Variants in C1orf74 observed in about 807,000 individuals in gnomAD.
C1orf74 encodes chromosome 1 open reading frame 74.
In C1orf74, 5 loss-of-function variants were observed where a neutral mutation model predicts 7.3. The ratio of observed to expected loss-of-function variants is 0.68; its 90% CI spans 0.36 to 1.44. C1orf74 has a LOEUF of 1.44. Among genes scored for constraint, C1orf74 ranks in the 40% most tolerant of loss-of-function variants. The probability of loss-of-function intolerance (pLI) is 0.04; values close to 1 mark genes in which losing one functional copy is unlikely to be tolerated. For synonymous variants in C1orf74, 121 were observed against 132.5 expected (o/e 0.91, Z 0.59); for missense variants, 291 against 314.3 (o/e 0.93, Z 0.56).
Position 209,779,803 on chromosome 1 carries a change from G to T in C1orf74, c.*3022C>A. On this transcript the variant is annotated 3_prime_UTR_variant, in exon 2 of 2. Coordinates refer to ENST00000294811, the MANE Select transcript of C1orf74 (RefSeq NM_152485.4). ...CTGAGAATTCACTGTGTATACAGAGGGGCAATAGCTCCTCACCTGTCCACT... is the reference window on the plus strand; with the variant it reads ...CTGAGAATTCACTGTGTATACAGAGTGGCAATAGCTCCTCACCTGTCCACT... The T allele has an allele frequency of 2.5e-6, 1 of 400,642 alleles. No individual in the cohort carries two copies. The highest frequency in any genetic ancestry group is 4.5e-6 in the Non-Finnish European group (1 of 221,178). 24.8% of individuals were successfully genotyped at this position (400,642 alleles called of 1,614,324 possible). A position where few individuals can be genotyped will look rare whatever the true frequency, so the allele number is the denominator to read the frequency against.
chr1:209,781,489 T>C lies in C1orf74; in HGVS notation c.*1336A>G. On this transcript the variant is annotated 3_prime_UTR_variant, in exon 2 of 2. Transcript: ENST00000294811. The stretch of plus-strand genomic sequence containing the variant: ...AGGGTCTCTCCTTCCCATAAAGCCC[T>C]GGATGATGGGACGATTCCTTCTTTA... 6.7e-7 allele frequency: 1 copy of C among 1,503,060 alleles called. No individual in the cohort carries two copies. The allele number at this position is 1,503,060 out of a possible 1,614,324, so 93.1% of individuals were successfully genotyped here. A position where few individuals can be genotyped will look rare whatever the true frequency, so the allele number is the denominator to read the frequency against.
Position 209,781,921 on chromosome 1 carries a change from CAG to C in C1orf74, c.*902_*903del. ...CCAAGACAGGTGACAAAATGGGAGA[CAG>C]AGTAAAAAGCTTTTTCTCCACCACC... On this transcript the variant is annotated 3_prime_UTR_variant, in exon 2 of 2. Transcript: ENST00000294811. 3.0e-6 allele frequency: 2 copies of C among 657,700 alleles called. No individual in the cohort carries two copies. The allele number at this position is 657,700 out of a possible 1,614,324, so 40.7% of individuals were successfully genotyped here.
Position 209,780,494 on chromosome 1 carries a change from C to A in C1orf74, c.*2331G>T. 6.3e-7 allele frequency: 1 copy of A among 1,599,146 alleles called. No individual in the cohort carries two copies. The highest frequency in any genetic ancestry group is 8.5e-7 in the Non-Finnish European group (1 of 1,172,328). The stretch of plus-strand genomic sequence containing the variant: ...GATCAGGCTTTGCCCGTGTGGAGTC[C>A]AAAGTCCTTCCCTAACGAAGTGGAG... On this transcript the variant is annotated 3_prime_UTR_variant, in exon 2 of 2. Transcript: ENST00000294811.
rs1192083356 is a variant in C1orf74, at chr1:209,782,933, A to G, written c.702T>C (p.Ile234=). The change falls in exon 2 of 2, where the codon ATT becomes ATC. Residue 234 remains isoleucine, a synonymous_variant. Transcript: ENST00000294811. ...PESLFPGLRD[I]LNTWEKDLRT... ...TGAGGTCCTTCTCCCAGGTGTTTAG[A>G]ATGTCCCTCAGGCCTGGGAACAAAC... 6.2e-7 allele frequency: 1 copy of G among 1,614,158 alleles called. No homozygotes were observed. Among genetic ancestry groups the G allele is most frequent in the East Asian group, 2.2e-5 (1 of 44,878 alleles).
At position 209,781,703 on chromosome 1, in the gene C1orf74, A is replaced by G; in HGVS notation, c.*1122T>C. The stretch of plus-strand genomic sequence containing the variant: ...GACTTACTCTTAGCTAAAGTATGAA[A>G]GGGTGTTCTTTTAGCCGATGATAAG... On this transcript the variant is annotated 3_prime_UTR_variant, in exon 2 of 2. Coordinates refer to ENST00000294811, the MANE Select transcript of C1orf74 (RefSeq NM_152485.4). 2.0e-6 allele frequency: 1 copy of G among 494,204 alleles called. No individual in the cohort carries two copies. The allele number at this position is 494,204 out of a possible 1,614,324, so 30.6% of individuals were successfully genotyped here.
rs751333631 is a variant in C1orf74, at chr1:209,782,012, A to G, written c.*813T>C. On this transcript the variant is annotated 3_prime_UTR_variant, in exon 2 of 2. Transcript: ENST00000294811. ...AAGATTTTTGCCTATATCTTTTCCAATCCACTCATGGCCACTTTCTTCTGT... is the reference window on the plus strand; with the variant it reads ...AAGATTTTTGCCTATATCTTTTCCAGTCCACTCATGGCCACTTTCTTCTGT... The G allele has an allele frequency of 1.1e-5, 16 of 1,510,244 alleles. No individual in the cohort carries two copies. The highest frequency in any genetic ancestry group is 5.0e-5 in the Admixed American group (3 of 59,848). 93.6% of individuals were successfully genotyped at this position (1,510,244 alleles called of 1,614,324 possible). A position where few individuals can be genotyped will look rare whatever the true frequency, so the allele number is the denominator to read the frequency against.
At position 209,779,701 on chromosome 1, in the gene C1orf74, A is replaced by G; in HGVS notation, c.*3124T>C. 6.7e-6 allele frequency: 4 copies of G among 593,018 alleles called. No homozygotes were observed. 36.7% of individuals were successfully genotyped at this position (593,018 alleles called of 1,614,324 possible). ...ACACTTGATTTTCCAAATCACATCC[A>G]ACTCCCCAGCCCCAAACCACATAGC... On this transcript the variant is annotated 3_prime_UTR_variant, in exon 2 of 2. Coordinates refer to ENST00000294811, the MANE Select transcript of C1orf74 (RefSeq NM_152485.4).
rs1431632298 is a variant in C1orf74 at position 209,779,797 on chromosome 1, A to G, written c.*3028T>C. On this transcript the variant is annotated 3_prime_UTR_variant, in exon 2 of 2. Coordinates refer to ENST00000294811, the MANE Select transcript of C1orf74 (RefSeq NM_152485.4). ...TGTTTCCTGAGAATTCACTGTGTAT[A>G]CAGAGGGGCAATAGCTCCTCACCTG... 1 of 426,000 alleles carries G rather than the reference A, an allele frequency of 2.3e-6. No homozygotes were observed. The highest frequency in any genetic ancestry group is 2.0e-5 in the African/African-American group (1 of 50,070). 26.4% of individuals were successfully genotyped at this position (426,000 alleles called of 1,614,324 possible).
rs1205193829 is a variant in C1orf74 at position 209,783,264 on chromosome 1, G to GAGCCA, written c.370_371insTGGCT (p.Pro124LeufsTer14). The stretch of plus-strand genomic sequence containing the variant: ...AAGCTGGTCCAGGGAGCAGACAGAA[G>GAGCCA]GGTGACGCTGGCAGCTGGAAACATC... On this transcript the variant is annotated frameshift_variant, in exon 2 of 2. Coordinates refer to ENST00000294811, the MANE Select transcript of C1orf74 (RefSeq NM_152485.4). LOFTEE classifies it high-confidence loss of function. The GAGCCA allele has an allele frequency of 2.5e-6, 4 of 1,614,198 alleles. No individual in the cohort carries two copies. Among genetic ancestry groups the GAGCCA allele is most frequent in the Non-Finnish European group, 3.4e-6 (4 of 1,180,030 alleles).
chr1:209,783,295 A>G lies in C1orf74; in HGVS notation c.340T>C (p.Phe114Leu), dbSNP rs1185817681. The G allele has an allele frequency of 6.2e-7, 1 of 1,614,134 alleles. No individual in the cohort carries two copies. Among genetic ancestry groups the G allele is most frequent in the South Asian group, 1.1e-5 (1 of 91,084 alleles). Residue 114 changes from phenylalanine to leucine, a missense_variant, in exon 2 of 2, where the codon TTT (phenylalanine) becomes CTT (leucine). By Grantham distance (22) the Phe-to-Leu change is conservative. Transcript: ENST00000294811. Reference sequence around the variant, plus strand: ...CGCTGGCAGCTGGAAACATCCACAAAGGCTATGGTACCAAGCAGCACCTGC... The same window carrying G: ...CGCTGGCAGCTGGAAACATCCACAAGGGCTATGGTACCAAGCAGCACCTGC... The part of the protein sequence containing the change: ...LEQVLLGTIA[F>L]VDVSSCQRHP...
Position 209,782,562 on chromosome 1 carries a change from T to C in C1orf74, c.*263A>G. On this transcript the variant is annotated 3_prime_UTR_variant, in exon 2 of 2. Coordinates refer to ENST00000294811, the MANE Select transcript of C1orf74 (RefSeq NM_152485.4). The stretch of plus-strand genomic sequence containing the variant: ...TTCCTCTATCATCTCCTTCCTTCTA[T>C]CTTTTATCCAGTGAAAATGAAAACA... The C allele has an allele frequency of 5.7e-6, 3 of 527,350 alleles. No individual in the cohort carries two copies. The highest frequency in any genetic ancestry group is 6.8e-6 in the Non-Finnish European group (2 of 295,454). 32.7% of individuals were successfully genotyped at this position (527,350 alleles called of 1,614,324 possible).
In C1orf74 at chr1:209,779,404, G is replaced by C. The variant is rs770502039; in HGVS notation, c.*3421C>G. On this transcript the variant is annotated 3_prime_UTR_variant, in exon 2 of 2. Transcript: ENST00000294811. Reference sequence around the variant, plus strand: ...GCAAATTTATTACCACAAATTCTAAGATATTGCTCTTCTCTTACCTGCCTA... The same window carrying C: ...GCAAATTTATTACCACAAATTCTAACATATTGCTCTTCTCTTACCTGCCTA... The C allele has an allele frequency of 1.9e-6, 3 of 1,593,326 alleles. No individual in the cohort carries two copies. The highest frequency in any genetic ancestry group is 2.2e-5 in the East Asian group (1 of 44,778).
In C1orf74 at chr1:209,781,561, CA is replaced by C. The variant is rs2077781163; in HGVS notation, c.*1263del. The C allele has an allele frequency of 3.9e-6, 3 of 776,458 alleles. No individual in the cohort carries two copies. The highest frequency in any genetic ancestry group is 4.4e-6 in the Non-Finnish European group (2 of 451,660). 48.1% of individuals were successfully genotyped at this position (776,458 alleles called of 1,614,324 possible). A position where few individuals can be genotyped will look rare whatever the true frequency, so the allele number is the denominator to read the frequency against. On this transcript the variant is annotated 3_prime_UTR_variant, in exon 2 of 2. Coordinates refer to ENST00000294811, the MANE Select transcript of C1orf74 (RefSeq NM_152485.4). ...ATATCAGCCCACGCCAACAACTGGC[CA>C]TCCTGTCCCACTGTGCTTGGTTTAT...
Position 209,779,748 on chromosome 1 carries a change from T to G in C1orf74, c.*3077A>C. 1 of 552,004 alleles carries G rather than the reference T, an allele frequency of 1.8e-6. No homozygotes were observed. The highest frequency in any genetic ancestry group is 3.2e-6 in the Non-Finnish European group (1 of 310,648). The allele number at this position is 552,004 out of a possible 1,614,324, so 34.2% of individuals were successfully genotyped here. Reference sequence around the variant, plus strand: ...TAGCAGTCCAGAGTCAACTCACTGTTAGCCCTAGAGAGTCTACTGTCCATG... The same window carrying G: ...TAGCAGTCCAGAGTCAACTCACTGTGAGCCCTAGAGAGTCTACTGTCCATG... On this transcript the variant is annotated 3_prime_UTR_variant, in exon 2 of 2. Transcript: ENST00000294811.
Position 209,783,560 on chromosome 1 carries a change from C to A in C1orf74, c.75G>T (p.Met25Ile). Residue 25 changes from methionine to isoleucine, a missense_variant, in exon 2 of 2, where the codon ATG becomes ATT. Coordinates refer to ENST00000294811, the MANE Select transcript of C1orf74 (RefSeq NM_152485.4). ...CTTGGGGTGGACTCCGTCTCTTTCCCATGCCAAGGGTCTGCTGAGCAGCTG... is the reference window on the plus strand; with the variant it reads ...CTTGGGGTGGACTCCGTCTCTTTCCAATGCCAAGGGTCTGCTGAGCAGCTG... ...LVAAAQQTLG[M>I]GKRRSPPQAI... 1 of 1,614,020 alleles carries A rather than the reference C, an allele frequency of 6.2e-7. No homozygotes were observed. The highest frequency in any genetic ancestry group is 1.7e-5 in the Admixed American group (1 of 60,008).
Position 209,779,827 on chromosome 1 carries a change from C to A in C1orf74, c.*2998G>T, listed in dbSNP as rs2077738945. ...GGGGCAATAGCTCCTCACCTGTCCA[C>A]TACACACGACCTTTTGTTTTCTCTT... On this transcript the variant is annotated 3_prime_UTR_variant, in exon 2 of 2. Transcript: ENST00000294811. 1 of 298,122 alleles carries A rather than the reference C, an allele frequency of 3.4e-6. No homozygotes were observed. Among genetic ancestry groups the A allele is most frequent in the Non-Finnish European group, 6.3e-6 (1 of 159,726 alleles). The allele number at this position is 298,122 out of a possible 1,614,324, so 18.5% of individuals were successfully genotyped here.
Position 209,779,369 on chromosome 1 carries a change from A to T in C1orf74, c.*3456T>A. On this transcript the variant is annotated 3_prime_UTR_variant, in exon 2 of 2. Transcript: ENST00000294811. ...CAAGAACAGGAGAAACTCTTAACAAAGAAAGGTCAGCAAATTTATTACCAC... is the reference window on the plus strand; with the variant it reads ...CAAGAACAGGAGAAACTCTTAACAATGAAAGGTCAGCAAATTTATTACCAC... The T allele has an allele frequency of 4.3e-6, 7 of 1,613,796 alleles. No individual in the cohort carries two copies. Among genetic ancestry groups the T allele is most frequent in the Non-Finnish European group, 5.1e-6 (6 of 1,179,614 alleles).
rs778777502 is a variant in C1orf74, at chr1:209,781,312, T to G, written c.*1513A>C. On this transcript the variant is annotated 3_prime_UTR_variant, in exon 2 of 2. Transcript: ENST00000294811. The stretch of plus-strand genomic sequence containing the variant: ...GCCTGGGCTCTGTCCTAGACAGAAG[T>G]GACAGTGATGACTTTGGTGATGTTC... 1 of 1,477,204 alleles carries G rather than the reference T, an allele frequency of 6.8e-7. No homozygotes were observed. Among genetic ancestry groups the G allele is most frequent in the Admixed American group, 1.7e-5 (1 of 59,518 alleles). The allele number at this position is 1,477,204 out of a possible 1,614,324, so 91.5% of individuals were successfully genotyped here.
In C1orf74 at chr1:209,782,035, T is replaced by C; in HGVS notation, c.*790A>G. 1.2e-6 allele frequency: 2 copies of C among 1,604,838 alleles called. No homozygotes were observed. The highest frequency in any genetic ancestry group is 1.7e-6 in the Non-Finnish European group (2 of 1,171,552). The stretch of plus-strand genomic sequence containing the variant: ...CAATCCACTCATGGCCACTTTCTTC[T>C]GTCTCCCTGTCCCCCTACAGAGGCA... On this transcript the variant is annotated 3_prime_UTR_variant, in exon 2 of 2. Coordinates refer to ENST00000294811, the MANE Select transcript of C1orf74 (RefSeq NM_152485.4).
Sources: gnomAD v4.1 joint callset for allele counts on GRCh38, gnomAD v4.1.1 for gene constraint, MANE v1.5 for transcripts, NCBI Gene and HGNC (gene_info 2026-07-23, HGNC 2026-07-21) for gene names.